The following FRMD8 variants were observed in gnomAD, a reference collection of about 807,000 sequenced individuals.
FRMD8 encodes FERM domain containing 8.
FRMD8 carries 37 observed loss-of-function variants against 54.2 expected under a neutral mutation model. The ratio of observed to expected loss-of-function variants is 0.68; its 90% CI spans 0.53 to 0.90. The LOEUF (loss-of-function observed/expected upper bound fraction) is 0.90, where lower values mean the gene tolerates loss of function less well. FRMD8 is among the 40% of genes least tolerant of loss of function. The pLI, the probability that FRMD8 is intolerant of heterozygous loss-of-function variation, is 0.00. For synonymous variants in FRMD8, 246 were observed against 286.9 expected, an observed-to-expected ratio of 0.86 and a Z score of 1.44; for missense variants, 585 against 653.7, an observed-to-expected ratio of 0.89 and a Z score of 1.15.
chr11:65,409,247 C>G (rs531064794), intron 10 of FRMD8, among the ~76,000 whole-genome samples: 1 of 151,940 alleles, frequency 6.6e-6, no homozygotes, highest in Admixed American at 6.6e-5. Context: ...CCACCATGCC[C>G]GATCAATTTT....
At position 65,386,704 on chromosome 11, in the gene FRMD8, G is replaced by T. The variant is rs540115440; in HGVS notation, c.-58G>T. 5 of 326,004 alleles carry T rather than the reference G, an allele frequency of 1.5e-5. No individual in the cohort carries two copies. The South Asian group carries it at 3.7e-4, about 24-fold the overall frequency. The allele number at this position is 326,004 out of a possible 1,614,324, so 20.2% of individuals were successfully genotyped here. ...CGGGCGGTGGCGGGCTTGGCGGCGGGGCAGGATTCCAGGCAGGAGCCTTGC... is the reference window on the plus strand; with the variant it reads ...CGGGCGGTGGCGGGCTTGGCGGCGGTGCAGGATTCCAGGCAGGAGCCTTGC... On this transcript the variant is annotated 5_prime_UTR_variant, in exon 1 of 11. Coordinates refer to ENST00000317568, the MANE Select transcript of FRMD8 (RefSeq NM_031904.5).
At position 65,389,500 on chromosome 11, in the gene FRMD8, C is replaced by T. The variant is rs774715033; in HGVS notation, c.225C>T (p.Phe75=). Residue 75 remains phenylalanine (F), a synonymous_variant, in exon 3 of 11, where the codon TTC becomes TTT. Coordinates refer to ENST00000317568, the MANE Select transcript of FRMD8 (RefSeq NM_031904.5). ...LQLPDIALDV[F]ALWLVSPLLE... The stretch of plus-strand genomic sequence containing the variant: ...TTCCAGACATCGCCCTGGATGTCTT[C>T]GCGCTCTGGCTGGTCTCCCCTCTGC... 24 of 1,601,806 alleles carry T rather than the reference C, an allele frequency of 1.5e-5. No individual in the cohort carries two copies. Among genetic ancestry groups the T allele is most frequent in the South Asian group, 1.2e-4 (11 of 90,416 alleles).
chr11:65,381,892 CAGAAGGAAG>C, upstream of FRMD8: 1 of 1,614,056 alleles, frequency 6.2e-7, no homozygotes, highest in African/African-American at 1.3e-5. Flanking sequence ...TGTGATGTGA[CAGAAGGAAG>C]AAAAATGTCT....
chr11:65,384,022 T>C (rs1480763527), upstream of FRMD8, among the ~76,000 whole-genome samples: 2 of 152,078 alleles, frequency 1.3e-5, no homozygotes, highest in Non-Finnish European at 2.9e-5. Flanking sequence ...GCCTCTCAGC[T>C]CTAAAGGCTG....
At chr11:65,380,361 A>G in the FRMD8 span, 1 of 960,418 alleles carries the variant, frequency 1.0e-6, no homozygotes, top group South Asian at 1.6e-5. Flanking sequence ...CCACACAGGC[A>G]CTGGGCCAGG....
chr11:65,398,994 GTTTTTT>G (rs33928334), intron 7 of FRMD8, among the ~76,000 whole-genome samples: 1 of 99,888 alleles, frequency 1.0e-5, no homozygotes. Context: ...TCTTCTCAAT[GTTTTTT>G]TTTTTTTTTT....
At chr11:65,385,472 C>T (rs1855714539), upstream of FRMD8, among the ~76,000 whole-genome samples, 1 of 152,202 alleles carries the variant, frequency 6.6e-6, no homozygotes. Context: ...GAACCCACTG[C>T]CCTCTGTTCC....
chr11:65,374,329 T>TAGCC, the FRMD8 span, among the ~76,000 whole-genome samples: 1 of 145,654 alleles, frequency 6.9e-6, no homozygotes, highest in South Asian at 2.3e-4. Flanking sequence ...TGGAGCAGGG[T>TAGCC]AGCCATGTGC....
At position 65,394,283 on chromosome 11, in the gene FRMD8, C is replaced by A; in HGVS notation, c.439C>A (p.Leu147Met). The part of the protein sequence containing the change: ...LQIHDEEVLR[L>M]LYEEAKGNVL... ...GATCCATGACGAGGAGGTCCTGCGG[C>A]TGCTCTATGAGGAGGCCAAGGGCAA... Residue 147 changes from leucine to methionine, a missense_variant, in exon 6 of 11, where the codon CTG (leucine) becomes ATG (methionine). Physicochemically the swap from Leu to Met is conservative, Grantham distance 15. Coordinates refer to ENST00000317568, the MANE Select transcript of FRMD8 (RefSeq NM_031904.5). 1 of 1,598,258 alleles carries A rather than the reference C, an allele frequency of 6.3e-7. No homozygotes were observed. The highest frequency in any genetic ancestry group is 8.5e-7 in the Non-Finnish European group (1 of 1,172,724).
the FRMD8 span, chr11:65,379,639 C>T: frequency 6.9e-7 from 1 of 1,456,174 alleles, no homozygotes; most frequent in Non-Finnish European, 9.3e-7. Flanking sequence ...GCAAGGCAGC[C>T]TCTGGCTGGA....
chr11:65,383,988 G>A (rs1855688577), upstream of FRMD8, among the ~76,000 whole-genome samples: 1 of 152,098 alleles, frequency 6.6e-6, no homozygotes, highest in African/African-American at 2.4e-5. Flanking sequence ...AAGTAGGACA[G>A]CAGTCGGGCT....
chr11:65,400,926 C>T lies in FRMD8; in HGVS notation c.1071+59C>T, dbSNP rs1212083377. 6.6e-7 allele frequency: 1 copy of T among 1,520,890 alleles called. No homozygotes were observed. The highest frequency in any genetic ancestry group is 8.8e-7 in the Non-Finnish European group (1 of 1,131,858). 94.2% of individuals were successfully genotyped at this position (1,520,890 alleles called of 1,614,324 possible). ...GGCTGGGCCCAGGTGCCCTGGGTCC[C>T]AGACAATTAGAGGCACCAGGCTGGC... On this transcript the variant is annotated intron_variant, in intron 9 of 10. Transcript: ENST00000317568. The surrounding 1 kb of genome is among the most constrained non-coding windows in gnomAD (Gnocchi z 4.3).
chr11:65,382,990 C>G (rs1855647100), upstream of FRMD8: 1 of 152,310 alleles, frequency 6.6e-6, no homozygotes, highest in Admixed American at 6.5e-5. This position sits in a 1 kb window ranked among gnomAD's most constrained non-coding sequence, Gnocchi z 4.4. Context: ...ACAGGGATCT[C>G]TGGGTGTTCT....
intron 10 of FRMD8, among the ~76,000 whole-genome samples, chr11:65,408,705 C>T (rs1471021886): frequency 2.0e-5 from 3 of 151,798 alleles, no homozygotes; most frequent in African/African-American, 4.8e-5. Context: ...CTCAACCTCC[C>T]GTGCTCAAGC....
upstream of FRMD8, among the ~76,000 whole-genome samples, chr11:65,385,442 C>G (rs544474846): frequency 1.3e-5 from 2 of 152,260 alleles, no homozygotes; most frequent in Admixed American, 6.5e-5. Context: ...CTTTCCAATC[C>G]CAGGGAACCA....
At chr11:65,388,465 T>TTAGC (rs1444703523) in intron 2 of FRMD8, among the ~76,000 whole-genome samples, 2 of 152,074 alleles carry the variant, frequency 1.3e-5, no homozygotes, top group Admixed American at 1.3e-4. Flanking sequence ...GGGAGGAGTA[T>TTAGC]TAGCTCTACT....
chr11:65,380,571 A>G, the FRMD8 span: 7 of 1,305,856 alleles, frequency 5.4e-6, no homozygotes, highest in Non-Finnish European at 7.0e-6. Flanking sequence ...TCAACTCATA[A>G]TGTCGTCGCC....
chr11:65,370,569 C>A, the FRMD8 span, among the ~76,000 whole-genome samples: 1 of 151,754 alleles, frequency 6.6e-6, no homozygotes, highest in Non-Finnish European at 1.5e-5. Flanking sequence ...GGTGTGATGG[C>A]GGGTGCCTGT....
chr11:65,407,060 C>G (rs1856214967), intron 10 of FRMD8, among the ~76,000 whole-genome samples: 1 of 152,088 alleles, frequency 6.6e-6, no homozygotes, highest in East Asian at 1.9e-4. Context: ...TTTTAGTTAA[C>G]AGATACTGTG....
Sources: allele counts gnomAD v4.1 joint callset (sites outside exome capture counted in the v4.1 genomes callset), GRCh38; gene constraint gnomAD v4.1.1; non-coding constraint Gnocchi (gnomAD v3.1); transcripts MANE v1.5; gene names NCBI Gene and HGNC (gene_info 2026-07-23, HGNC 2026-07-21).